The following LRRC4 variants were observed in gnomAD, a reference collection of about 807,000 sequenced individuals.
LRRC4 encodes leucine-rich repeat-containing protein 4.
A neutral mutation model predicts 37.9 loss-of-function variants in LRRC4; 11 were observed. That is an observed-to-expected ratio of 0.29 (90% CI 0.18 to 0.48). The LOEUF (loss-of-function observed/expected upper bound fraction) is 0.48. Ranked by LOEUF, LRRC4 falls within the 20% of genes least tolerant of loss-of-function variation. The probability of loss-of-function intolerance (pLI) is 0.99; values close to 1 mark genes in which losing one functional copy is unlikely to be tolerated. For synonymous variants in LRRC4, 404 were observed against 346.7 expected (o/e 1.17, Z -1.84); for missense variants, 717 against 842.1 (o/e 0.85, Z 1.84).
At chr7:128,030,773 G>A (rs1792565919) in intron 1 of LRRC4, 33 bp from the exon 2 acceptor site, 3 of 1,180,634 alleles carry the variant, frequency 2.5e-6, no homozygotes, top group East Asian at 2.6e-5. Flanking sequence ...GGCGATTAGA[G>A]AGACGGAGCG....
Position 128,030,423 on chromosome 7 carries a change from A to G in LRRC4, c.218T>C (p.Ile73Thr). ...RRGLSEVPQG[I>T]PSNTRYLNLM... The stretch of plus-strand genomic sequence containing the variant: ...GTTGAGGTACCGGGTGTTCGAGGGA[A>G]TACCCTGCGGGACCTCGGAGAGGCC... Residue 73 changes from isoleucine (I) to threonine (T), a missense_variant, in exon 2 of 2, where the codon ATT becomes ACT. Around this residue, in one of 5 missense-constraint regions of LRRC4, gnomAD observed 127 missense variants for 134.8 expected, o/e 0.94. Transcript: ENST00000249363. The G allele has an allele frequency of 6.2e-7, 1 of 1,613,888 alleles. No individual in the cohort carries two copies.
chr7:128,029,999 G>A lies in LRRC4; in HGVS notation c.642C>T (p.Leu214=), dbSNP rs1212306570. The A allele has an allele frequency of 1.2e-6, 2 of 1,613,188 alleles. No homozygotes were observed. The highest frequency in any genetic ancestry group is 2.2e-5 in the South Asian group (2 of 91,088). ...GCTCCTCCAGCCCCACCAGGGGGGTGAGATTGGGCATGTCTTTAATGTTGC... is the reference window on the plus strand; with the variant it reads ...GCTCCTCCAGCCCCACCAGGGGGGTAAGATTGGGCATGTCTTTAATGTTGC... ...GMCNIKDMPN[L]TPLVGLEELE... is the part of the protein sequence containing the mutation. The change falls in exon 2 of 2, where the codon CTC becomes CTT. Residue 214 remains leucine, a synonymous_variant. Coordinates refer to ENST00000249363, the MANE Select transcript of LRRC4 (RefSeq NM_022143.5). The surrounding 1 kb of genome is among the most constrained non-coding windows in gnomAD (Gnocchi z 4.2).
upstream of LRRC4, chr7:128,031,899 A>G (rs1283249418): frequency 5.3e-5 from 8 of 150,666 alleles, no homozygotes; most frequent in Non-Finnish European, 8.9e-5. Context: ...GGACTGCTGC[A>G]GCGGCGTGAG....
In LRRC4 at chr7:128,028,526, G is replaced by T; in HGVS notation, c.*153C>A. ...GAAAATATTTTTGTTTTGACTTTTT[G>T]TCTTTAAATTTTAATATAATCTGTT... On this transcript the variant is annotated 3_prime_UTR_variant, in exon 2 of 2. Coordinates refer to ENST00000249363, the MANE Select transcript of LRRC4 (RefSeq NM_022143.5). 1.9e-5 allele frequency: 13 copies of T among 702,054 alleles called. No individual in the cohort carries two copies. The highest frequency in any genetic ancestry group is 5.8e-5 in the South Asian group (2 of 34,650). 43.5% of individuals were successfully genotyped at this position (702,054 alleles called of 1,614,324 possible).
rs143703816 is a variant in LRRC4 at position 128,029,333 on chromosome 7, C to T, written c.1308G>A (p.Ser436=). 19 of 1,614,002 alleles carry T rather than the reference C, an allele frequency of 1.2e-5. No individual in the cohort carries two copies. In the African/African-American group the frequency reaches 1.9e-4, roughly 16 times the overall value. The change falls in exon 2 of 2, where the codon TCG becomes TCA. Residue 436 remains serine (S), a synonymous_variant. Transcript: ENST00000249363. The surrounding 1 kb of genome is among the most constrained non-coding windows in gnomAD (Gnocchi z 4.2). ...VTNVAGNSNA[S]AYLNVSTAEL... is the part of the protein sequence containing the mutation. ...CAGCCGTGCTCACATTGAGGTAGGCCGAGGCGTTGGAGTTGCCTGCAACAT... is the reference window on the plus strand; with the variant it reads ...CAGCCGTGCTCACATTGAGGTAGGCTGAGGCGTTGGAGTTGCCTGCAACAT...
At chr7:128,031,461 T>G (rs1239805066), upstream of LRRC4, 1 of 149,700 alleles carries the variant, frequency 6.7e-6, no homozygotes, top group Non-Finnish European at 1.5e-5. Flanking sequence ...GCGGCGAGAG[T>G]TAAGAGGAGG....
rs1792478192 is a variant in LRRC4 at position 128,028,746 on chromosome 7, G to A, written c.1895C>T (p.Thr632Ile). ...SLGNSLHPTV[T>I]TISEPYIIQT... ...AATTATATAAGGTTCAGAGATAGTGGTGACTGTGGGGTGCAGAGAGTTCCC... is the reference window on the plus strand; with the variant it reads ...AATTATATAAGGTTCAGAGATAGTGATGACTGTGGGGTGCAGAGAGTTCCC... The change falls in exon 2 of 2, where the codon ACC (threonine) becomes ATC (isoleucine). Residue 632 changes from threonine (T) to isoleucine (I), a missense_variant. Coordinates refer to ENST00000249363, the MANE Select transcript of LRRC4 (RefSeq NM_022143.5). 5.0e-6 allele frequency: 8 copies of A among 1,614,010 alleles called. No homozygotes were observed. The highest frequency in any genetic ancestry group is 5.9e-6 in the Non-Finnish European group (7 of 1,180,034).
chr7:128,031,512 TTCTCC>T (rs1163581873), upstream of LRRC4: 2 of 151,022 alleles, frequency 1.3e-5, no homozygotes, highest in African/African-American at 4.9e-5. Flanking sequence ...CACACCCCCT[TTCTCC>T]TCGCCTCTTC....
Position 128,029,436 on chromosome 7 carries a change from G to A in LRRC4, c.1205C>T (p.Ser402Phe). Residue 402 changes from serine to phenylalanine, a missense_variant, in exon 2 of 2, where the codon TCT becomes TTT. Around this residue, in one of 5 missense-constraint regions of LRRC4, gnomAD observed 293 missense variants for 268.3 expected, o/e 1.09. Transcript: ENST00000249363. The surrounding 1 kb of genome is among the most constrained non-coding windows in gnomAD (Gnocchi z 4.2). ...LSHASRHPRI[S>F]VLNDGTLNFS... is the part of the protein sequence containing the mutation. ...GTTCAAGGTGCCGTCGTTGAGGACA[G>A]AGATCCTTGGGTGGCGGGAGGCGTG... is the stretch of plus-strand genomic sequence containing the variant. 1 of 1,614,256 alleles carries A rather than the reference G, an allele frequency of 6.2e-7. No homozygotes were observed. Among genetic ancestry groups the A allele is most frequent in the South Asian group, 1.1e-5 (1 of 91,084 alleles).
At position 128,031,085 on chromosome 7, in the gene LRRC4, C is replaced by A. The variant is rs1563095363; in HGVS notation, c.-273G>T. The stretch of plus-strand genomic sequence containing the variant: ...GAGGGGAGGGAAGGGGTGGGGGAGA[C>A]AAAATGGCCTCTAGTAAATCCGGAG... On this transcript the variant is annotated 5_prime_UTR_variant, in exon 1 of 2. Transcript: ENST00000249363. The A allele has an allele frequency of 2.0e-5, 3 of 152,604 alleles. No homozygotes were observed. Among genetic ancestry groups the A allele is most frequent in the Admixed American group, 1.3e-4 (2 of 15,284 alleles). 9.5% of individuals were successfully genotyped at this position (152,604 alleles called of 1,614,324 possible).
chr7:128,030,864 A>G lies in LRRC4; in HGVS notation c.-101+49T>C, dbSNP rs1792570013. On this transcript the variant is annotated intron_variant, in intron 1 of 1. Transcript: ENST00000249363. ...CCTCAAGGCAAGCCCTCCGAAAGCT[A>G]CGACTCTCCCACACTGCAACCGTCC... 4 of 523,870 alleles carry G rather than the reference A, an allele frequency of 7.6e-6. No individual in the cohort carries two copies. In the South Asian group the frequency reaches 1.1e-4, roughly 15 times the overall value. 32.5% of individuals were successfully genotyped at this position (523,870 alleles called of 1,614,324 possible). A position where few individuals can be genotyped will look rare whatever the true frequency, so the allele number is the denominator to read the frequency against.
At position 128,029,963 on chromosome 7, in the gene LRRC4, T is replaced by G. The variant is rs369549077; in HGVS notation, c.678A>C (p.Ser226=). 2 of 1,613,144 alleles carry G rather than the reference T, an allele frequency of 1.2e-6. No individual in the cohort carries two copies. The highest frequency in any genetic ancestry group is 1.7e-6 in the Non-Finnish European group (2 of 1,180,018). The change falls in exon 2 of 2, where the codon TCA becomes TCC. Residue 226 remains serine (S), a synonymous_variant. Coordinates refer to ENST00000249363, the MANE Select transcript of LRRC4 (RefSeq NM_022143.5). This position sits in a 1 kb window ranked among gnomAD's most constrained non-coding sequence, Gnocchi z 4.2. ...GCCTGATCTCAGGGAAGTGGTTCCC[T>G]GACATCTCCAGCTCCTCCAGCCCCA... The part of the protein sequence containing the change: ...PLVGLEELEM[S]GNHFPEIRPG...
rs1471214179 is a variant in LRRC4 at position 128,031,297 on chromosome 7, CCGGCGGCCCCGGCCCGCT to C, written c.-503_-486del. 3.4e-4 allele frequency among the ~76,000 whole-genome samples: 52 copies of C among 150,866 alleles called. No homozygotes were observed. The highest frequency in any genetic ancestry group is 7.3e-4 in the Admixed American group (11 of 15,172). ...AGGCGCTTCATCGCCAAAGTGCGCT[CCGGCGGCCCCGGCCCGCT>C]CTGCGGGCCGCCGCCGGAGGGAGTG... On this transcript the variant is annotated 5_prime_UTR_variant, in exon 1 of 2. Transcript: ENST00000249363.
chr7:128,030,515 C>A lies in LRRC4; in HGVS notation c.126G>T (p.Gly42=), dbSNP rs199788438. The A allele has an allele frequency of 7.4e-6, 12 of 1,613,318 alleles. No individual in the cohort carries two copies. The highest frequency in any genetic ancestry group is 1.0e-5 in the Non-Finnish European group (12 of 1,179,908). Reference sequence around the variant, plus strand: ...AGCAGACGGAGGGGCAGTTCTGGGGCCCGGCTGAGGCGGCAGCAGCGATGG... The same window carrying A: ...AGCAGACGGAGGGGCAGTTCTGGGGACCGGCTGAGGCGGCAGCAGCGATGG... ...CAAIAAAASA[G]PQNCPSVCSC... is the part of the protein sequence containing the mutation. Residue 42 remains glycine, a synonymous_variant, in exon 2 of 2, where the codon GGG becomes GGT. Coordinates refer to ENST00000249363, the MANE Select transcript of LRRC4 (RefSeq NM_022143.5).
In LRRC4 at chr7:128,030,175, T is replaced by C; in HGVS notation, c.466A>G (p.Asn156Asp). 6.2e-7 allele frequency: 1 copy of C among 1,614,236 alleles called. No homozygotes were observed. The highest frequency in any genetic ancestry group is 8.5e-7 in the Non-Finnish European group (1 of 1,180,038). ...GAGGGGATGCTTTCGATGGGGTTGT[T>C]GCGAAGCCAGAGCTCCCGCAGCTTG... ...LSKLRELWLR[N>D]NPIESIPSYA... Residue 156 changes from asparagine to aspartate, a missense_variant, in exon 2 of 2, where the codon AAC becomes GAC. This residue lies in a region of LRRC4 where 138 missense variants were observed against 261.0 expected (regional missense o/e 0.53). Coordinates refer to ENST00000249363, the MANE Select transcript of LRRC4 (RefSeq NM_022143.5).
At position 128,028,381 on chromosome 7, in the gene LRRC4, A is replaced by G. The variant is rs555511715; in HGVS notation, c.*298T>C. On this transcript the variant is annotated 3_prime_UTR_variant, in exon 2 of 2. Transcript: ENST00000249363. ...TTGTTGTTTTAGTTTATTTTATCTC[A>G]GCAATTTCAACCTTATACCAGAAAT... The G allele has an allele frequency of 1.4e-4, 41 of 284,398 alleles. No individual in the cohort carries two copies. The highest frequency in any genetic ancestry group is 2.6e-4 in the Non-Finnish European group (39 of 151,546). The allele number at this position is 284,398 out of a possible 1,614,324, so 17.6% of individuals were successfully genotyped here. A position where few individuals can be genotyped will look rare whatever the true frequency, so the allele number is the denominator to read the frequency against.
chr7:128,030,585 A>G lies in LRRC4; in HGVS notation c.56T>C (p.Leu19Pro). The change falls in exon 2 of 2, where the codon CTC becomes CCC. Residue 19 changes from leucine to proline, a missense_variant. Around this residue, in one of 5 missense-constraint regions of LRRC4, gnomAD observed 127 missense variants for 134.8 expected, o/e 0.94. Transcript: ENST00000249363. ...TTGCGCCGTGAGGTAGACGAACGGG[A>G]GCAGGATGGCATTCCAGGTGTGGTG... ...VHHHTWNAIL[L>P]PFVYLTAQVW... 1 of 1,602,238 alleles carries G rather than the reference A, an allele frequency of 6.2e-7. No individual in the cohort carries two copies. The highest frequency in any genetic ancestry group is 8.5e-7 in the Non-Finnish European group (1 of 1,172,120).
chr7:128,031,774 G>T (rs917649005), upstream of LRRC4, among the ~76,000 whole-genome samples: 49 of 145,540 alleles, frequency 3.4e-4, no homozygotes, highest in African/African-American at 1.1e-3. Context: ...GCGCGCAACC[G>T]CCCGTCGCCG....
rs1283976908 is a variant in LRRC4, at chr7:128,029,498, G to A, written c.1143C>T (p.Ser381=). Residue 381 remains serine (S), a synonymous_variant, in exon 2 of 2, where the codon TCC becomes TCT. Transcript: ENST00000249363. The surrounding 1 kb of genome is among the most constrained non-coding windows in gnomAD (Gnocchi z 4.2). ...TCCCATTGGGCAGCAACCACTTCAC[G>A]GAGGACATAGGGGGAGTCCGACACT... ...ELKCRTPPMS[S]VKWLLPNGTV... The A allele has an allele frequency of 3.7e-6, 6 of 1,614,094 alleles. No homozygotes were observed. The highest frequency in any genetic ancestry group is 2.2e-5 in the South Asian group (2 of 91,078).
Sources: allele counts gnomAD v4.1 joint callset (sites outside exome capture counted in the v4.1 genomes callset), GRCh38; gene constraint gnomAD v4.1.1; regional missense constraint gnomAD v4.1.1; non-coding constraint Gnocchi (gnomAD v3.1); transcripts MANE v1.5; gene names NCBI Gene and HGNC (gene_info 2026-07-23, HGNC 2026-07-21).